Variants in STAG1 observed in about 807,000 individuals in gnomAD.
STAG1 encodes the protein STAG1 cohesin complex component.
In STAG1, 26 loss-of-function variants were observed where a neutral mutation model predicts 170.9. The observed-to-expected ratio is 0.15, with a 90% CI of 0.11 to 0.21. The LOEUF (loss-of-function observed/expected upper bound fraction) is 0.21. Ranked by LOEUF, STAG1 falls within the 10% of genes least tolerant of loss-of-function variation. The pLI, the probability that STAG1 is intolerant of heterozygous loss-of-function variation, is 1.00. For synonymous variants in STAG1, 514 were observed against 497.7 expected (o/e 1.03, Z -0.44); for missense variants, 964 against 1,509.5 (o/e 0.64, Z 5.99).
chr3:136,347,622 A>G (rs973930875), intron 29 of STAG1, among the ~76,000 whole-genome samples: 1 of 152,154 alleles, frequency 6.6e-6, no homozygotes, highest in African/African-American at 2.4e-5. Context: ...TTTGAAATAT[A>G]GATGCTTTGA....
At chr3:136,699,031 A>G (rs1317234605) in intron 1 of STAG1, among the ~76,000 whole-genome samples, 1 of 152,116 alleles carries the variant, frequency 6.6e-6, no homozygotes, top group Admixed American at 6.6e-5. Flanking sequence ...TAAAGGCGTA[A>G]GAATGATATA....
chr3:136,585,484 T>C (rs938724825), intron 4 of STAG1, among the ~76,000 whole-genome samples: 3 of 151,946 alleles, frequency 2.0e-5, no homozygotes, highest in African/African-American at 7.3e-5. Context: ...CTGGGCATGG[T>C]GGCCTGTAAT....
At chr3:136,354,927 A>T (rs1401435936) in intron 28 of STAG1, among the ~76,000 whole-genome samples, 1 of 151,968 alleles carries the variant, frequency 6.6e-6, no homozygotes, top group Non-Finnish European at 1.5e-5. Flanking sequence ...GAAAGGATGG[A>T]AAAAAAGGTG....
At chr3:136,688,880 G>A (rs1034302215) in intron 1 of STAG1, among the ~76,000 whole-genome samples, 11 of 152,200 alleles carry the variant, frequency 7.2e-5, no homozygotes, top group African/African-American at 2.7e-4. Context: ...ACCAAAGGAA[G>A]AACCTGAGGC....
intron 16 of STAG1, among the ~76,000 whole-genome samples, chr3:136,429,896 T>G (rs2088243894): frequency 6.6e-6 from 1 of 152,236 alleles, no homozygotes; most frequent in Non-Finnish European, 1.5e-5. Flanking sequence ...TAAAAACTTT[T>G]TTCTCCTCTA....
At chr3:136,419,726 G>C (rs544519712) in intron 20 of STAG1, among the ~76,000 whole-genome samples, 1 of 150,116 alleles carries the variant, frequency 6.7e-6, no homozygotes, top group African/African-American at 2.5e-5. Context: ...ACCTCCCAAA[G>C]TGCTGAGATT....
At position 136,736,416 on chromosome 3, in the gene STAG1, T is replaced by C. The variant is rs536603747; in HGVS notation, c.-84+15779A>G. The C allele has an allele frequency of 1.7e-4, 165 of 999,928 alleles. No individual in the cohort carries two copies. The African/African-American group carries it at 2.4e-3, about 14-fold the overall frequency. The allele number at this position is 999,928 out of a possible 1,614,324, so 61.9% of individuals were successfully genotyped here. On this transcript the variant is annotated intron_variant, in intron 1 of 33. Transcript: ENST00000383202. ...ATACTACTCTATGTTGGGGTGGAAG[T>C]GGGAGGAAAGAATGAGTCCTTCGAA... is the stretch of plus-strand genomic sequence containing the variant.
At chr3:136,433,929 T>C (rs1406513017) in intron 15 of STAG1, among the ~76,000 whole-genome samples, 1 of 152,128 alleles carries the variant, frequency 6.6e-6, no homozygotes, top group Non-Finnish European at 1.5e-5. Flanking sequence ...AATTCTAAAA[T>C]TTCACAGTGT....
intron 22 of STAG1, among the ~76,000 whole-genome samples, chr3:136,378,404 A>G (rs1056321719): frequency 3.3e-5 from 5 of 152,358 alleles, no homozygotes; most frequent in African/African-American, 1.2e-4. Context: ...TCCAAAAGGA[A>G]ATTTCAAGTT....
At chr3:136,738,264 G>C (rs1934458676) in intron 1 of STAG1, among the ~76,000 whole-genome samples, 1 of 151,828 alleles carries the variant, frequency 6.6e-6, no homozygotes, top group Non-Finnish European at 1.5e-5. Flanking sequence ...GCCAAGGCGG[G>C]CAGATCACCT....
chr3:136,499,842 T>A (rs1454925791), intron 9 of STAG1: 1 of 153,434 alleles, frequency 6.5e-6, no homozygotes, highest in African/African-American at 2.4e-5. Flanking sequence ...TTTTTTTAAA[T>A]TATTAATTTG....
chr3:136,348,201 G>A (rs1211449270), intron 29 of STAG1, among the ~76,000 whole-genome samples: 1 of 151,904 alleles, frequency 6.6e-6, no homozygotes, highest in East Asian at 1.9e-4. Context: ...GAAGAAGGAT[G>A]AAGATTATTT....
intron 1 of STAG1, among the ~76,000 whole-genome samples, chr3:136,749,115 G>T (rs1323037304): frequency 6.6e-6 from 1 of 152,134 alleles, no homozygotes; most frequent in Non-Finnish European, 1.5e-5. Flanking sequence ...GGAGAGACCT[G>T]TAGATATAAC....
intron 13 of STAG1, among the ~76,000 whole-genome samples, chr3:136,454,736 C>T (rs2089056744): frequency 6.6e-6 from 1 of 152,114 alleles, no homozygotes; most frequent in South Asian, 2.1e-4. Context: ...GAGGAATTTG[C>T]TTAAATTTTG....
chr3:136,405,979 A>T (rs775678868), intron 21 of STAG1, among the ~76,000 whole-genome samples: 1 of 152,154 alleles, frequency 6.6e-6, no homozygotes, highest in African/African-American at 2.4e-5. Context: ...ATGGTTTGAC[A>T]GTTTCTAATA....
chr3:136,537,095 T>C (rs1277806929), intron 6 of STAG1, among the ~76,000 whole-genome samples: 1 of 152,246 alleles, frequency 6.6e-6, no homozygotes, highest in Non-Finnish European at 1.5e-5. Context: ...ATTATTCATT[T>C]GTCTTTTGGC....
chr3:136,529,737 CAT>C (rs1207767055), intron 6 of STAG1, among the ~76,000 whole-genome samples: 2 of 152,012 alleles, frequency 1.3e-5, no homozygotes, highest in Admixed American at 6.6e-5. Context: ...AGCAAACACA[CAT>C]ATGAGGAAGA....
In STAG1 at chr3:136,542,621, G is replaced by A. The variant is rs1010647441; in HGVS notation, c.395-426C>T. ...GCAAAACATCCACTGACTAACACAT[G>A]TGCAAAGTAATGAATGTAAAAGGTT... On this transcript the variant is annotated intron_variant, in intron 5 of 33. Coordinates refer to ENST00000383202, the MANE Select transcript of STAG1 (RefSeq NM_005862.3). 6.0e-5 allele frequency among the ~76,000 whole-genome samples: 9 copies of A among 149,346 alleles called. 1 individual carries two copies. Among genetic ancestry groups the A allele is most frequent in the Non-Finnish European group, 1.2e-4 (8 of 67,652 alleles).
rs1177488853 is a variant in STAG1, at chr3:136,687,449, C to A, written c.-83-56468G>T. Among the ~76,000 whole-genome samples the A allele has an allele frequency of 4.0e-5, 6 of 151,300 alleles. No homozygotes were observed. In the East Asian group the frequency reaches 9.7e-4, roughly 24 times the overall value. On this transcript the variant is annotated intron_variant, in intron 1 of 33. Transcript: ENST00000383202. ...CATAATTTGAATTTAATTTTAAAGT[C>A]TTTTGTGTAGACTCTAGGTATTACG...
Sources: gnomAD v4.1 joint callset for allele counts (sites outside exome capture counted in the v4.1 genomes callset) on GRCh38, gnomAD v4.1.1 for gene constraint, MANE v1.5 for transcripts, NCBI Gene and HGNC (gene_info 2026-07-23, HGNC 2026-07-21) for gene names.